Variants in PSTPIP2 observed in about 807,000 individuals in gnomAD.
PSTPIP2 encodes proline-serine-threonine phosphatase interacting protein 2.
In PSTPIP2, 33 loss-of-function variants were observed where a neutral mutation model predicts 63.3. The ratio of observed to expected loss-of-function variants is 0.52; its 90% CI spans 0.40 to 0.70. The LOEUF is 0.70. Ranked by LOEUF, PSTPIP2 falls within the 30% of genes least tolerant of loss-of-function variation. PSTPIP2 has a pLI of 0.00. For synonymous variants in PSTPIP2, 125 were observed against 132.7 expected (o/e 0.94, Z 0.40); for missense variants, 312 against 400.7 (o/e 0.78, Z 1.89).
chr18:46,011,289 T>C lies in PSTPIP2; in HGVS notation c.248-2A>G. On this transcript the variant is annotated splice_acceptor_variant, in intron 4 of 14. Transcript: ENST00000409746. LOFTEE classifies it high-confidence loss of function. Reference sequence around the variant, plus strand: ...GACATTGTGCCACATTGTCTACTTCTGCAAAAAAGAATTAAAAAAAAAATC... The same window carrying C: ...GACATTGTGCCACATTGTCTACTTCCGCAAAAAAGAATTAAAAAAAAAATC... 6.2e-7 allele frequency: 1 copy of C among 1,608,288 alleles called. No homozygotes were observed. The highest frequency in any genetic ancestry group is 8.5e-7 in the Non-Finnish European group (1 of 1,176,564).
intron 2 of PSTPIP2, among the ~76,000 whole-genome samples, chr18:46,030,232 A>G (rs1180445091): frequency 1.3e-5 from 2 of 152,244 alleles, no homozygotes; most frequent in South Asian, 2.1e-4. Context: ...GAGTCACAAG[A>G]GAAGCCTGTC....
rs2051770425 is a variant in PSTPIP2, at chr18:46,009,391, ACC to A, written c.354+1788_354+1789del. Among the ~76,000 whole-genome samples, 53 of 36,026 alleles carry A rather than the reference ACC, an allele frequency of 1.5e-3. 2 individuals are homozygous for A. The highest frequency in any genetic ancestry group is 2.7e-3 in the South Asian group (3 of 1,122). 23.6% of individuals were successfully genotyped at this position (36,026 alleles called of 152,430 possible). A position where few individuals can be genotyped will look rare whatever the true frequency, so the allele number is the denominator to read the frequency against. On this transcript the variant is annotated intron_variant, in intron 5 of 14. Coordinates refer to ENST00000409746, the MANE Select transcript of PSTPIP2 (RefSeq NM_024430.4). ...AAAAAAAAAAAAAAAAAAAAAAAAA[ACC>A]TAGCTAAATACGGAAGTGGTAAAAC...
intron 1 of PSTPIP2, among the ~76,000 whole-genome samples, chr18:46,069,220 C>T (rs1446636918): frequency 6.6e-6 from 1 of 152,138 alleles, no homozygotes; most frequent in Non-Finnish European, 1.5e-5. Flanking sequence ...CGTGCATGCC[C>T]GTATCTGAAG....
At chr18:45,995,633 T>C (rs2051586416) in intron 9 of PSTPIP2, among the ~76,000 whole-genome samples, 1 of 152,132 alleles carries the variant, frequency 6.6e-6, no homozygotes, top group South Asian at 2.1e-4. Flanking sequence ...CTGGCCCTCA[T>C]GCCAAGGGAT....
At chr18:46,044,062 C>T (rs9964180) in intron 1 of PSTPIP2, among the ~76,000 whole-genome samples, 19,984 of 151,950 alleles carry the variant, frequency 0.13, 1,667 homozygotes, top group East Asian at 0.39. Flanking sequence ...TATCAATTTC[C>T]CCAAATTGAT....
At chr18:46,052,245 C>T (rs775005769) in intron 1 of PSTPIP2, among the ~76,000 whole-genome samples, 33 of 152,324 alleles carry the variant, frequency 2.2e-4, no homozygotes, top group Admixed American at 4.6e-4. Flanking sequence ...CATTGCTTCA[C>T]CAGCTGACTT....
At chr18:46,015,863 A>C in intron 4 of PSTPIP2, 40 bp downstream of exon 4, 3 of 1,584,296 alleles carry the variant, frequency 1.9e-6, no homozygotes, top group Non-Finnish European at 2.6e-6. Context: ...AGGGCTTGTC[A>C]AGGGCAGTGA....
At chr18:45,993,515 G>T in intron 10 of PSTPIP2, 90 bp downstream of exon 10, 1 of 1,279,324 alleles carries the variant, frequency 7.8e-7, no homozygotes, top group Middle Eastern at 1.9e-4. Context: ...TTCACCAAGG[G>T]CAAAGTGAAC....
At chr18:46,043,199 A>C (rs1367652638) in intron 1 of PSTPIP2, among the ~76,000 whole-genome samples, 5 of 149,848 alleles carry the variant, frequency 3.3e-5, no homozygotes, top group African/African-American at 1.2e-4. Flanking sequence ...CAGCCTGGGC[A>C]ACATAGCGAA....
At chr18:45,991,608 A>C (rs1462219237) in intron 12 of PSTPIP2, among the ~76,000 whole-genome samples, 1 of 152,208 alleles carries the variant, frequency 6.6e-6, no homozygotes, top group African/African-American at 2.4e-5. Flanking sequence ...CAGGGGCCAT[A>C]GTTTGCTGAC....
chr18:46,008,686 G>A (rs939955558), intron 5 of PSTPIP2, among the ~76,000 whole-genome samples: 31 of 152,104 alleles, frequency 2.0e-4, no homozygotes, highest in Admixed American at 1.8e-3. Flanking sequence ...TCTCCACACA[G>A]GCAGCACGAA....
intron 6 of PSTPIP2, among the ~76,000 whole-genome samples, chr18:46,001,538 T>C (rs1183289163): frequency 1.3e-5 from 2 of 152,170 alleles, no homozygotes; most frequent in East Asian, 1.9e-4. Context: ...TTTTCTCCCA[T>C]TGTAACCACT....
At chr18:46,069,622 G>A (rs986392704) in intron 1 of PSTPIP2, among the ~76,000 whole-genome samples, 2 of 152,132 alleles carry the variant, frequency 1.3e-5, no homozygotes, top group Non-Finnish European at 2.9e-5. Flanking sequence ...CAGATTCATC[G>A]AAGATTTCTT....
At chr18:46,058,285 G>T (rs183008644) in intron 1 of PSTPIP2, among the ~76,000 whole-genome samples, 20 of 152,060 alleles carry the variant, frequency 1.3e-4, no homozygotes, top group Admixed American at 1.3e-3. Flanking sequence ...GATTTTTATG[G>T]TTTTTTACTC....
In PSTPIP2 at chr18:45,997,342, C is replaced by T. The variant is rs971989090; in HGVS notation, c.642+407G>A. 2.4e-4 allele frequency among the ~76,000 whole-genome samples: 37 copies of T among 152,128 alleles called. 1 individual carries two copies. The highest frequency in any genetic ancestry group is 2.2e-3 in the Admixed American group (33 of 15,278). ...TAGCTGGGATTACAGGTGTGCGCCACCACACCCGGCTAATTTTTGTATTTT... is the reference window on the plus strand; with the variant it reads ...TAGCTGGGATTACAGGTGTGCGCCATCACACCCGGCTAATTTTTGTATTTT... On this transcript the variant is annotated intron_variant, in intron 9 of 14. Transcript: ENST00000409746.
chr18:46,037,778 T>C (rs1289959843), intron 2 of PSTPIP2, among the ~76,000 whole-genome samples: 1 of 152,214 alleles, frequency 6.6e-6, no homozygotes, highest in Admixed American at 6.5e-5. Flanking sequence ...GGCATGCCCA[T>C]CTGACACTCT....
intron 2 of PSTPIP2, among the ~76,000 whole-genome samples, chr18:46,027,718 T>G (rs1907633725): frequency 6.6e-6 from 1 of 151,998 alleles, no homozygotes; most frequent in East Asian, 1.9e-4. Flanking sequence ...AAATAAAAAT[T>G]GAAATTTTAA....
intron 2 of PSTPIP2, among the ~76,000 whole-genome samples, chr18:46,032,976 A>C (rs971370687): frequency 6.6e-6 from 1 of 152,214 alleles, no homozygotes; most frequent in African/African-American, 2.4e-5. Context: ...GCTCAATTTT[A>C]CTGTATATGC....
chr18:45,990,886 C>T (rs2051522835), intron 12 of PSTPIP2, 130 bp from the exon 13 acceptor site: 1 of 672,118 alleles, frequency 1.5e-6, no homozygotes, highest in Non-Finnish European at 2.4e-6. Context: ...AGAAAGCTCA[C>T]CTAAAGCAAA....
Sources: gnomAD v4.1 joint callset for allele counts (sites outside exome capture counted in the v4.1 genomes callset) on GRCh38, gnomAD v4.1.1 for gene constraint, MANE v1.5 for transcripts, NCBI Gene and HGNC (gene_info 2026-07-23, HGNC 2026-07-21) for gene names.